The following PLAC1 variants were observed in gnomAD, a reference collection of about 807,000 sequenced individuals.
PLAC1 encodes the protein placenta associated 1.
For missense variants in PLAC1, 136 were observed against 163.2 expected, an observed-to-expected ratio of 0.83 and a Z score of 0.91; for synonymous variants, 68 against 62.1, an observed-to-expected ratio of 1.09 and a Z score of -0.44.
At chrX:134,737,137 T>C (rs1209913774) in intron 1 of PLAC1, among the ~76,000 whole-genome samples, 2 of 112,777 alleles carry the variant, frequency 1.8e-5, no homozygotes, top group Non-Finnish European at 3.7e-5. Context: ...ATTTTCATGC[T>C]GCGCAGCCCT....
At chrX:134,746,335 G>C (rs1202252995) in intron 1 of PLAC1, among the ~76,000 whole-genome samples, 3 of 111,919 alleles carry the variant, frequency 2.7e-5, no homozygotes, top group African/African-American at 9.7e-5. Flanking sequence ...AGCTGGCCAG[G>C]CTGGCTGGCT....
intron 1 of PLAC1, chrX:134,651,186 T>G (rs1300298133): frequency 3.9e-6 from 1 of 257,832 alleles, no homozygotes; most frequent in Non-Finnish European, 7.8e-6. Context: ...TCACAGGAGC[T>G]GTACTCTGAT....
intron 1 of PLAC1, among the ~76,000 whole-genome samples, chrX:134,752,771 G>A (rs2078747708): frequency 8.9e-6 from 1 of 111,762 alleles, no homozygotes; most frequent in South Asian, 3.7e-4. Context: ...CTGGGAAACA[G>A]GAGAAATACA....
chrX:134,713,278 T>C (rs1275893607), intron 2 of PLAC1, among the ~76,000 whole-genome samples: 1 of 112,401 alleles, frequency 8.9e-6, no homozygotes, highest in Non-Finnish European at 1.9e-5. Context: ...GATGCAGCCA[T>C]GCACCGATGA....
intron 2 of PLAC1, among the ~76,000 whole-genome samples, chrX:134,685,830 C>T (rs1425265065): frequency 5.4e-5 from 6 of 111,044 alleles, no homozygotes; most frequent in African/African-American, 2.0e-4. Flanking sequence ...CAGACATCTG[C>T]TCAGCAATCC....
chrX:134,590,159 C>T (rs1475206652), intron 2 of PLAC1, among the ~76,000 whole-genome samples: 1 of 110,421 alleles, frequency 9.1e-6, no homozygotes. Context: ...CACGCCACTG[C>T]ACTCCAGCCT....
chrX:134,630,590 G>A (rs1203699242), intron 1 of PLAC1, among the ~76,000 whole-genome samples: 1 of 111,730 alleles, frequency 9.0e-6, no homozygotes, highest in East Asian at 2.8e-4. Flanking sequence ...GGGATTTAAG[G>A]GCGGGCAAGA....
intron 2 of PLAC1, among the ~76,000 whole-genome samples, chrX:134,575,544 T>A (rs1460121043): frequency 1.6e-4 from 17 of 107,273 alleles, no homozygotes; most frequent in Admixed American, 5.0e-4. Flanking sequence ...CCAAGGCGGG[T>A]AGATCATGAG....
intron 1 of PLAC1, among the ~76,000 whole-genome samples, chrX:134,743,173 A>C (rs780921859): frequency 8.9e-6 from 1 of 112,264 alleles, no homozygotes; most frequent in Non-Finnish European, 1.9e-5. Flanking sequence ...TTGTGAGGCC[A>C]GATAATAACT....
intron 1 of PLAC1, among the ~76,000 whole-genome samples, chrX:134,747,735 A>T (rs2078732211): frequency 8.9e-6 from 1 of 111,833 alleles, no homozygotes; most frequent in African/African-American, 3.3e-5. Flanking sequence ...ATAATGCCAC[A>T]AATATTACAA....
chrX:134,749,643 T>G (rs1015627764), intron 1 of PLAC1, among the ~76,000 whole-genome samples: 2 of 112,339 alleles, frequency 1.8e-5, no homozygotes, highest in Admixed American at 9.4e-5. Context: ...TAAAGAAAAC[T>G]CTGTTCAGTT....
chrX:134,754,905 A>G (rs1009725415), intron 1 of PLAC1, among the ~76,000 whole-genome samples: 3 of 110,101 alleles, frequency 2.7e-5, no homozygotes, highest in Non-Finnish European at 5.7e-5. Flanking sequence ...TTTTAGCAAT[A>G]AGATAAATGT....
At position 134,638,796 on chromosome X, in the gene PLAC1, A is replaced by G. The variant is rs1202282973; in HGVS notation, c.-131+19532T>C. On this transcript the variant is annotated intron_variant, in intron 1 of 2. Transcript: ENST00000359237. ...AAAAAGCAAACAAACAAAACCTTTT[A>G]TTTTAGGTTCAGGAGTACATGTGTA... Among the ~76,000 whole-genome samples the G allele has an allele frequency of 1.8e-5, 2 of 109,755 alleles. 1 individual carries two copies. The highest frequency in any genetic ancestry group is 8.7e-3 in the Middle Eastern group (2 of 231).
chrX:134,568,401 T>G (rs1012509370), intron 2 of PLAC1, among the ~76,000 whole-genome samples: 1 of 112,641 alleles, frequency 8.9e-6, no homozygotes, highest in Non-Finnish European at 1.9e-5. Flanking sequence ...TGCTGCATTG[T>G]TTAATGGAAA....
intron 2 of PLAC1, among the ~76,000 whole-genome samples, chrX:134,589,882 C>T (rs1314754198): frequency 1.8e-5 from 2 of 110,881 alleles, no homozygotes; most frequent in Non-Finnish European, 3.8e-5. Context: ...GATGTTTTTC[C>T]TCTTTTGTAA....
chrX:134,725,160 C>T (rs2078670145), intron 2 of PLAC1, among the ~76,000 whole-genome samples: 1 of 111,698 alleles, frequency 9.0e-6, no homozygotes, highest in Non-Finnish European at 1.9e-5. Context: ...TAGAATAATA[C>T]CTGGTCCGCA....
Position 134,705,306 on chromosome X carries a change from C to G in PLAC1, n.174+28129G>C, listed in dbSNP as rs186406990. 8.1e-3 allele frequency among the ~76,000 whole-genome samples: 846 copies of G among 103,818 alleles called. 16 individuals carry two copies. Among genetic ancestry groups the G allele is most frequent in the African/African-American group, 0.029 (815 of 28,309 alleles). The allele number at this position is 103,818 out of a possible 115,157, so 90.2% of individuals were successfully genotyped here. On this transcript the variant is annotated intron_variant and non_coding_transcript_variant, in intron 2 of 2. Coordinates refer to the PLAC1 transcript ENST00000466797. The stretch of plus-strand genomic sequence containing the variant: ...TGGTGGCAGGCACCTATAATCCCAG[C>G]TACTCGGGAGGCTGAGGCAGAGAAT...
upstream of PLAC1, among the ~76,000 whole-genome samples, chrX:134,658,668 G>C (rs1247352675): frequency 8.9e-6 from 1 of 111,737 alleles, no homozygotes; most frequent in Non-Finnish European, 1.9e-5. Flanking sequence ...TCACCCTTGA[G>C]ATCATCAGTG....
chrX:134,654,008 T>C (rs1345265769), intron 1 of PLAC1, among the ~76,000 whole-genome samples: 7 of 111,911 alleles, frequency 6.3e-5, no homozygotes, highest in African/African-American at 1.3e-4. Context: ...TGTCCAAGTA[T>C]GTGATTTGAA....
Sources: allele counts gnomAD v4.1 joint callset (sites outside exome capture counted in the v4.1 genomes callset), GRCh38; gene constraint gnomAD v4.1.1; transcripts MANE v1.5; gene names NCBI Gene and HGNC (gene_info 2026-07-23, HGNC 2026-07-21).